Variants in LRP4 observed in about 807,000 individuals in gnomAD.
LRP4 encodes low-density lipoprotein receptor-related protein 4.
Under a neutral mutation model 220.3 loss-of-function variants are expected in LRP4, and 95 were observed. That is an observed-to-expected ratio of 0.43 (90% confidence interval 0.37 to 0.51). The LOEUF is 0.51. LRP4 is among the 20% of genes least tolerant of loss of function. LRP4 has a pLI of 0.00. For missense variants in LRP4, 1,925 were observed against 2,567.0 expected, an observed-to-expected ratio of 0.75 and a Z score of 5.40; for synonymous variants, 903 against 954.6, an observed-to-expected ratio of 0.95 and a Z score of 1.00.
intron 36 of LRP4, chr11:46,862,989 G>A (rs990272829): frequency 1.5e-5 from 8 of 526,026 alleles, no homozygotes; most frequent in Admixed American, 3.1e-5. Context: ...ACTGGTTCTG[G>A]TCTTGAGTTG....
At chr11:46,891,190 T>G (rs566813245) in intron 13 of LRP4, among the ~76,000 whole-genome samples, 9 of 152,140 alleles carry the variant, frequency 5.9e-5, no homozygotes, top group Non-Finnish European at 2.9e-5. Flanking sequence ...TTCAGCTCAC[T>G]GCAACCTCCA....
Position 46,858,675 on chromosome 11 carries a change from G to C in LRP4, c.*308C>G. 4.8e-6 allele frequency: 2 copies of C among 413,908 alleles called. No individual in the cohort carries two copies. The highest frequency in any genetic ancestry group is 9.1e-6 in the Non-Finnish European group (2 of 218,902). 25.6% of individuals were successfully genotyped at this position (413,908 alleles called of 1,614,324 possible). Reference sequence around the variant, plus strand: ...AGGCACTGAGGGTACTGGGGAAAGGGGAGGTGGAGCTCTACGCTGGTGAGG... The same window carrying C: ...AGGCACTGAGGGTACTGGGGAAAGGCGAGGTGGAGCTCTACGCTGGTGAGG... On this transcript the variant is annotated 3_prime_UTR_variant, in exon 38 of 38. Transcript: ENST00000378623.
intron 10 of LRP4, 34 bp downstream of exon 10, chr11:46,895,850 C>T (rs1233416521): frequency 1.2e-6 from 2 of 1,607,568 alleles, no homozygotes; most frequent in East Asian, 2.2e-5. Context: ...CTGCTCAGAA[C>T]CCCGACTCTG....
chr11:46,897,159 C>T (rs1258383750), intron 7 of LRP4, among the ~76,000 whole-genome samples, 165 bp from the exon 8 acceptor site: 1 of 152,106 alleles, frequency 6.6e-6, no homozygotes, highest in African/African-American at 2.4e-5. Context: ...GTATCCTTTC[C>T]TCAAGACACT....
At position 46,881,764 on chromosome 11, in the gene LRP4, A is replaced by T. The variant is rs1363170019; in HGVS notation, c.2752T>A (p.Tyr918Asn). Reference sequence around the variant, plus strand: ...GTCTTCATGCCGGCGTCAGCCCAGTATAGACGCTGGGACCCATAATCAATA... The same window carrying T: ...GTCTTCATGCCGGCGTCAGCCCAGTTTAGACGCTGGGACCCATAATCAATA... ...LAIDYGSQRL[Y>N]WADAGMKTIE... is the part of the protein sequence containing the mutation. The change falls in exon 20 of 38, where the codon TAC (tyrosine) becomes AAC (asparagine). Residue 918 changes from tyrosine (Y) to asparagine (N), a missense_variant. Coordinates refer to ENST00000378623, the MANE Select transcript of LRP4 (RefSeq NM_002334.4). 6.2e-7 allele frequency: 1 copy of T among 1,613,854 alleles called. No homozygotes were observed. The highest frequency in any genetic ancestry group is 8.5e-7 in the Non-Finnish European group (1 of 1,180,046).
chr11:46,909,982 T>C (rs1941829685), intron 1 of LRP4, among the ~76,000 whole-genome samples: 1 of 152,216 alleles, frequency 6.6e-6, no homozygotes, highest in Admixed American at 6.5e-5. Context: ...GCCATGTTTC[T>C]ACTTATTTCT....
At chr11:46,868,812 C>CCTGTCCCTGGGAGT in intron 32 of LRP4, 99 bp from the exon 33 acceptor site, 1 of 1,239,326 alleles carries the variant, frequency 8.1e-7, no homozygotes, top group Non-Finnish European at 1.2e-6. Context: ...ACCCTACTCC[C>CCTGTCCCTGGGAGT]AGGGACAGGG....
rs569066420 is a variant in LRP4 at position 46,893,786 on chromosome 11, G to A, written c.1541-657C>T. Among the ~76,000 whole-genome samples the A allele has an allele frequency of 2.8e-3, 427 of 151,960 alleles. 2 individuals carry two copies. Among genetic ancestry groups the A allele is most frequent in the African/African-American group, 9.7e-3 (404 of 41,454 alleles). ...GGCTAATTTTTGTATTTTTAATAGA[G>A]ATGGGGTTTTGCCATGTTGGCCAGG... On this transcript the variant is annotated intron_variant, in intron 12 of 37. Transcript: ENST00000378623.
chr11:46,886,672 C>T (rs1941300855), intron 16 of LRP4, 139 bp from the exon 17 acceptor site: 2 of 733,960 alleles, frequency 2.7e-6, no homozygotes, highest in South Asian at 1.5e-5. Flanking sequence ...TACTTTATAC[C>T]TCAGGCTTCT....
Position 46,895,191 on chromosome 11 carries a change from G to C in LRP4, c.1284C>G (p.Pro428=). The part of the protein sequence containing the change: ...CWCETGYELR[P]DRRSCKALGP... Reference sequence around the variant, plus strand: ...CCAGAGCCTTGCAGCTGCGCCGGTCGGGCCGTAGTTCATAGCCTGTTTCAC... The same window carrying C: ...CCAGAGCCTTGCAGCTGCGCCGGTCCGGCCGTAGTTCATAGCCTGTTTCAC... The change falls in exon 11 of 38, where the codon CCC becomes CCG. Residue 428 remains proline (P), a synonymous_variant. Transcript: ENST00000378623. The C allele has an allele frequency of 6.2e-7, 1 of 1,614,006 alleles. No homozygotes were observed. The highest frequency in any genetic ancestry group is 1.1e-5 in the South Asian group (1 of 91,076).
At chr11:46,889,374 C>G (rs567946376) in intron 16 of LRP4, 37 bp downstream of exon 16, 1 of 1,612,804 alleles carries the variant, frequency 6.2e-7, no homozygotes, top group Non-Finnish European at 8.5e-7. Flanking sequence ...ATCCTCACAA[C>G]AGCCTCCATG....
At chr11:46,871,487 G>A in intron 31 of LRP4, 38 bp downstream of exon 31, 1 of 1,389,750 alleles carries the variant, frequency 7.2e-7, no homozygotes, top group South Asian at 1.2e-5. Flanking sequence ...AAACATCCCA[G>A]TCAAGGAGGT....
Position 46,881,943 on chromosome 11 carries a change from T to A in LRP4, c.2613-40A>T, listed in dbSNP as rs1286811079. On this transcript the variant is annotated intron_variant, in intron 19 of 37. Coordinates refer to ENST00000378623, the MANE Select transcript of LRP4 (RefSeq NM_002334.4). ...GGCAAGGCAGGTCTTACAAGCTAGT[T>A]AATATCCAGCAGGGACTCAGAGTAC... 4.4e-6 allele frequency: 7 copies of A among 1,600,946 alleles called. No individual in the cohort carries two copies. The Admixed American group carries it at 1.2e-4, about 27-fold the overall frequency.
chr11:46,899,402 C>T lies in LRP4; in HGVS notation c.532G>A (p.Asp178Asn). Residue 178 changes from aspartate (D) to asparagine (N), a missense_variant, in exon 5 of 38, where the codon GAT becomes AAT. Coordinates refer to ENST00000378623, the MANE Select transcript of LRP4 (RefSeq NM_002334.4). This position sits in a 1 kb window ranked among gnomAD's most constrained non-coding sequence, Gnocchi z 5.9. The part of the protein sequence containing the change: ...DGDTDCKDGS[D>N]EENCPSAVPA... ...GGCCACTCACGACAGTTCTCCTCAT[C>T]GGAGCCATCTTTGCAGTCGGTGTCA... 2 of 1,613,830 alleles carry T rather than the reference C, an allele frequency of 1.2e-6. No individual in the cohort carries two copies. Among genetic ancestry groups the T allele is most frequent in the Non-Finnish European group, 1.7e-6 (2 of 1,179,714 alleles).
intron 28 of LRP4, 53 bp downstream of exon 28, chr11:46,874,747 T>C: frequency 6.4e-7 from 1 of 1,558,344 alleles, no homozygotes; most frequent in Non-Finnish European, 8.8e-7. Flanking sequence ...ACCTCACCCA[T>C]GGGCGACCAG....
chr11:46,886,599 C>G (rs542054800), intron 16 of LRP4, 66 bp from the exon 17 acceptor site: 1 of 1,329,004 alleles, frequency 7.5e-7, no homozygotes, highest in Non-Finnish European at 1.1e-6. Flanking sequence ...CAGACACAGA[C>G]GCTCACCTGC....
chr11:46,868,818 CAG>C (rs1940776600), intron 32 of LRP4, 105 bp from the exon 33 acceptor site: 5 of 1,236,728 alleles, frequency 4.0e-6, no homozygotes, highest in East Asian at 2.3e-5. Flanking sequence ...CTCCCAGGGA[CAG>C]GGGAGGAGGA....
chr11:46,880,722 G>A (rs1033238785), intron 20 of LRP4, among the ~76,000 whole-genome samples: 1 of 152,050 alleles, frequency 6.6e-6, no homozygotes, highest in Non-Finnish European at 1.5e-5. Flanking sequence ...GGGGTGGGAG[G>A]AGCTATAAAG....
chr11:46,871,173 A>C (rs930144430), intron 31 of LRP4, among the ~76,000 whole-genome samples: 10 of 152,180 alleles, frequency 6.6e-5, no homozygotes, highest in Non-Finnish European at 1.3e-4. Flanking sequence ...TTAACTGGGG[A>C]ACTTGTCAAA....
Sources: allele counts gnomAD v4.1 joint callset (sites outside exome capture counted in the v4.1 genomes callset), GRCh38; gene constraint gnomAD v4.1.1; non-coding constraint Gnocchi (gnomAD v3.1); transcripts MANE v1.5; gene names NCBI Gene and HGNC (gene_info 2026-07-23, HGNC 2026-07-21).